The following CPQ variants were observed in gnomAD, a reference collection of about 807,000 sequenced individuals.
The protein encoded by CPQ is Ser-Met dipeptidase.
A neutral mutation model predicts 45.7 loss-of-function variants in CPQ; 37 were observed. That is an observed-to-expected ratio of 0.81 (90% CI 0.62 to 1.07). The LOEUF (loss-of-function observed/expected upper bound fraction) is 1.07. Ranked by LOEUF, CPQ falls within the 50% of genes least tolerant of loss-of-function variation. The probability of loss-of-function intolerance (pLI) is 0.00; values close to 1 mark genes in which losing one functional copy is unlikely to be tolerated. For missense variants in CPQ, 537 were observed against 572.9 expected (o/e 0.94, Z 0.64); for synonymous variants, 186 against 205.8 (o/e 0.90, Z 0.82).
chr8:96,965,373 T>C lies in CPQ; in HGVS notation c.850-562T>C, dbSNP rs1171965245. On this transcript the variant is annotated intron_variant, in intron 4 of 7. Transcript: ENST00000220763. ...GTCAGTAATAAGCCAATTTCTTTTC[T>C]TTTTTTTTTTTTTTTTTTGAGATGG... is the stretch of plus-strand genomic sequence containing the variant. Among the ~76,000 whole-genome samples the C allele has an allele frequency of 4.5e-3, 3 of 674 alleles. No homozygotes were observed. In the Non-Finnish European group the frequency reaches 0.062, roughly 14 times the overall value. 0.4% of individuals were successfully genotyped at this position (674 alleles called of 152,430 possible).
chr8:96,823,389 T>G (rs1466323766), intron 2 of CPQ, among the ~76,000 whole-genome samples: 1 of 152,066 alleles, frequency 6.6e-6, no homozygotes, highest in Non-Finnish European at 1.5e-5. Context: ...TGTGCTACTC[T>G]TAAGCAACTG....
chr8:96,907,719 AGAGTTATCCTGG>A (rs766501977), intron 4 of CPQ, among the ~76,000 whole-genome samples: 7 of 151,944 alleles, frequency 4.6e-5, no homozygotes, highest in Non-Finnish European at 1.0e-4. Flanking sequence ...GGTAAACCTG[AGAGTTATCCTGG>A]GCAATGTGGA....
chr8:96,927,043 AG>A (rs1812901753), intron 4 of CPQ, among the ~76,000 whole-genome samples: 1 of 152,278 alleles, frequency 6.6e-6, no homozygotes, highest in Non-Finnish European at 1.5e-5. Context: ...TTTAGGTAGC[AG>A]AGCGATGACT....
intron 3 of CPQ, among the ~76,000 whole-genome samples, chr8:96,853,836 G>A (rs1473283939): frequency 6.6e-6 from 1 of 152,026 alleles, no homozygotes; most frequent in African/African-American, 2.4e-5. Flanking sequence ...CCTGGTATTA[G>A]GATTCCCATA....
At chr8:97,082,043 G>C (rs1810958984) in intron 7 of CPQ, among the ~76,000 whole-genome samples, 1 of 152,124 alleles carries the variant, frequency 6.6e-6, no homozygotes. Context: ...TATTAGTCTA[G>C]ATTCCTACAG....
chr8:96,701,601 T>C (rs1012629599), intron 1 of CPQ, among the ~76,000 whole-genome samples: 1 of 152,148 alleles, frequency 6.6e-6, no homozygotes, highest in Non-Finnish European at 1.5e-5. Flanking sequence ...CTTGTCCTGA[T>C]CAGAAAGATG....
intron 5 of CPQ, among the ~76,000 whole-genome samples, chr8:96,978,994 A>C (rs540676740): frequency 2.0e-5 from 3 of 152,264 alleles, no homozygotes; most frequent in Admixed American, 2.0e-4. Context: ...GTCAGGCAAC[A>C]ATGGCTTCAC....
At chr8:97,066,701 G>A (rs1810641367) in intron 7 of CPQ, among the ~76,000 whole-genome samples, 1 of 152,012 alleles carries the variant, frequency 6.6e-6, no homozygotes, top group Admixed American at 6.6e-5. Flanking sequence ...GATTCCTTGA[G>A]GGTGGGGTAC....
chr8:96,792,740 G>T (rs565737828), intron 2 of CPQ, among the ~76,000 whole-genome samples: 2 of 152,038 alleles, frequency 1.3e-5, no homozygotes, highest in South Asian at 4.2e-4. Flanking sequence ...TCTTTCCTTG[G>T]GGTATTATTC....
chr8:96,693,108 G>A (rs1308254277), intron 1 of CPQ, among the ~76,000 whole-genome samples: 1 of 151,966 alleles, frequency 6.6e-6, no homozygotes, highest in Non-Finnish European at 1.5e-5. Flanking sequence ...AAGAATTAGT[G>A]AGCTTGAAGA....
intron 1 of CPQ, among the ~76,000 whole-genome samples, chr8:96,784,407 G>GGGGGGGGC (rs1810731117): frequency 2.6e-5 from 4 of 151,416 alleles, no homozygotes; most frequent in African/African-American, 9.7e-5. Flanking sequence ...GGTGGGGGGG[G>GGGGGGGGC]GGTTGGTAAA....
Position 96,889,691 on chromosome 8 carries a change from C to T in CPQ, c.849+9686C>T, listed in dbSNP as rs145776395. On this transcript the variant is annotated intron_variant, in intron 4 of 7. Coordinates refer to ENST00000220763, the MANE Select transcript of CPQ (RefSeq NM_016134.4). ...AGCCTTCAGTCTGTGGCCAAAGGCC[C>T]GAGAGCCCTTGGCAAACCACTACTC... Among the ~76,000 whole-genome samples, 1,195 of 152,178 alleles carry T rather than the reference C, an allele frequency of 7.9e-3. 11 individuals are homozygous for T. Among genetic ancestry groups the T allele is most frequent in the African/African-American group, 0.027 (1,111 of 41,494 alleles).
intron 4 of CPQ, among the ~76,000 whole-genome samples, chr8:96,947,167 C>T (rs1813200567): frequency 6.6e-6 from 1 of 152,110 alleles, no homozygotes; most frequent in Non-Finnish European, 1.5e-5. Flanking sequence ...ATGGGTTTCT[C>T]TAGAGTGAGA....
At chr8:96,773,304 A>G (rs557954341) in intron 1 of CPQ, among the ~76,000 whole-genome samples, 1 of 152,252 alleles carries the variant, frequency 6.6e-6, no homozygotes, top group Admixed American at 6.5e-5. Context: ...GGTGAATTTT[A>G]TAAAAGTAAA....
intron 4 of CPQ, among the ~76,000 whole-genome samples, chr8:96,902,193 G>A (rs1286833300): frequency 6.6e-6 from 1 of 152,102 alleles, no homozygotes. Context: ...AGGAAGTGAA[G>A]GGGCCCCAAG....
chr8:96,952,856 A>G (rs1813289080), intron 4 of CPQ, among the ~76,000 whole-genome samples: 1 of 152,160 alleles, frequency 6.6e-6, no homozygotes, highest in South Asian at 2.1e-4. Flanking sequence ...ATCATGGATT[A>G]TCAAAGGACA....
chr8:96,687,042 T>C (rs1267028520), intron 1 of CPQ, among the ~76,000 whole-genome samples: 1 of 152,096 alleles, frequency 6.6e-6, no homozygotes, highest in Admixed American at 6.5e-5. Context: ...GTATTTTCTA[T>C]CCTTATAATT....
At chr8:96,846,328 T>G (rs191799263) in intron 3 of CPQ, among the ~76,000 whole-genome samples, 15 of 152,296 alleles carry the variant, frequency 9.8e-5, no homozygotes, top group African/African-American at 3.4e-4. Context: ...ATCTATAATT[T>G]TTTTAAAAAT....
At chr8:97,027,048 T>TA (rs1809815886) in intron 5 of CPQ, among the ~76,000 whole-genome samples, 1 of 152,248 alleles carries the variant, frequency 6.6e-6, no homozygotes, top group Non-Finnish European at 1.5e-5. Flanking sequence ...CTTGTGGATT[T>TA]AAAAAATGTT....
Sources: allele counts gnomAD v4.1 joint callset (sites outside exome capture counted in the v4.1 genomes callset), GRCh38; gene constraint gnomAD v4.1.1; transcripts MANE v1.5; gene names NCBI Gene and HGNC (gene_info 2026-07-23, HGNC 2026-07-21).